The following SSBP3 variants were observed in gnomAD, a reference collection of about 807,000 sequenced individuals.
SSBP3 encodes the protein single-stranded DNA-binding protein 3.
A neutral mutation model predicts 69.6 loss-of-function variants in SSBP3; 5 were observed. The observed-to-expected ratio is 0.07, with a 90% CI of 0.04 to 0.15. The LOEUF (loss-of-function observed/expected upper bound fraction) is 0.15, where lower values mean the gene tolerates loss of function less well. Ranked by LOEUF, SSBP3 falls within the 10% of genes least tolerant of loss-of-function variation. The pLI, the probability that SSBP3 is intolerant of heterozygous loss-of-function variation, is 1.00. For missense variants in SSBP3, 312 were observed against 534.0 expected, an observed-to-expected ratio of 0.58 and a Z score of 4.10; for synonymous variants, 196 against 193.4, an observed-to-expected ratio of 1.01 and a Z score of -0.11.
At chr1:54,314,040 A>G (rs910995886) in intron 4 of SSBP3, among the ~76,000 whole-genome samples, 11 of 152,214 alleles carry the variant, frequency 7.2e-5, no homozygotes, top group African/African-American at 2.7e-4. Context: ...CTGGGATTAC[A>G]GGCATGAGCC....
intron 4 of SSBP3, among the ~76,000 whole-genome samples, chr1:54,369,164 G>A (rs999293383): frequency 4.7e-5 from 7 of 147,412 alleles, no homozygotes; most frequent in Non-Finnish European, 1.0e-4. Context: ...TCCAAACTGC[G>A]ACCGTTGATT....
At chr1:54,387,072 C>T (rs1204365979) in intron 4 of SSBP3, among the ~76,000 whole-genome samples, 1 of 152,168 alleles carries the variant, frequency 6.6e-6, no homozygotes, top group African/African-American at 2.4e-5. Context: ...CCGTTCCATC[C>T]GTCTGTCTTC....
At chr1:54,407,311 G>A (rs1649848601), upstream of SSBP3, among the ~76,000 whole-genome samples, 1 of 152,194 alleles carries the variant, frequency 6.6e-6, no homozygotes, top group Admixed American at 6.5e-5. Context: ...TGGGCGGCCC[G>A]CGACGCGGAA....
At chr1:54,272,041 T>C (rs1336392778) in intron 5 of SSBP3, among the ~76,000 whole-genome samples, 1 of 152,166 alleles carries the variant, frequency 6.6e-6, no homozygotes, top group Non-Finnish European at 1.5e-5. Context: ...AGTGCTGGGA[T>C]TATAGGCGTG....
At chr1:54,242,261 T>A (rs1291991521) in intron 10 of SSBP3, 49 bp from the exon 11 acceptor site, 1 of 1,608,340 alleles carries the variant, frequency 6.2e-7, no homozygotes, top group Non-Finnish European at 8.5e-7. Context: ...CGCTGTAAAC[T>A]CCAAGCGGTG....
intron 4 of SSBP3, among the ~76,000 whole-genome samples, chr1:54,335,262 G>A (rs1453195478): frequency 6.6e-6 from 1 of 152,210 alleles, no homozygotes; most frequent in African/African-American, 2.4e-5. Context: ...GGCCTCCGCT[G>A]CATTCCTCCT....
At chr1:54,357,442 G>C (rs1253792120) in intron 4 of SSBP3, among the ~76,000 whole-genome samples, 8 of 152,108 alleles carry the variant, frequency 5.3e-5, no homozygotes, top group Admixed American at 5.2e-4. Context: ...TGGGGGTAGG[G>C]TGTACCATAA....
intron 4 of SSBP3, among the ~76,000 whole-genome samples, chr1:54,381,947 A>C (rs1366449066): frequency 1.3e-5 from 2 of 152,212 alleles, no homozygotes; most frequent in Admixed American, 6.5e-5. Flanking sequence ...CAATCCAAGC[A>C]CTTTGGGAGG....
At chr1:54,367,544 T>C (rs952406764) in intron 4 of SSBP3, among the ~76,000 whole-genome samples, 1 of 152,046 alleles carries the variant, frequency 6.6e-6, no homozygotes, top group African/African-American at 2.4e-5. Flanking sequence ...GAAGAATGAG[T>C]GGAGAAAGGA....
chr1:54,330,793 A>G (rs375923894), intron 4 of SSBP3, among the ~76,000 whole-genome samples: 41 of 152,208 alleles, frequency 2.7e-4, no homozygotes, highest in African/African-American at 9.9e-4. Context: ...CGTCAAAACC[A>G]GGCAGCAAAG....
intron 4 of SSBP3, among the ~76,000 whole-genome samples, chr1:54,326,945 A>G (rs1470430487): frequency 6.6e-6 from 1 of 151,676 alleles, no homozygotes; most frequent in African/African-American, 2.4e-5. Context: ...GACCTAGGAA[A>G]CGGGGCCAAG....
intron 5 of SSBP3, among the ~76,000 whole-genome samples, chr1:54,269,165 C>T (rs150073552): frequency 1.3e-5 from 2 of 152,170 alleles, no homozygotes; most frequent in African/African-American, 4.8e-5. Context: ...CACGGAGCTA[C>T]CCCTCTTGCC....
chr1:54,383,642 G>A (rs1389486371), intron 4 of SSBP3, among the ~76,000 whole-genome samples: 1 of 152,026 alleles, frequency 6.6e-6, no homozygotes, highest in Non-Finnish European at 1.5e-5. Context: ...TGAATTACAG[G>A]GTGTTCAATA....
intron 4 of SSBP3, among the ~76,000 whole-genome samples, chr1:54,284,333 T>C (rs1365784075): frequency 1.3e-5 from 2 of 152,092 alleles, no homozygotes; most frequent in Non-Finnish European, 2.9e-5. Flanking sequence ...TCTTAGGTCA[T>C]TACCTTTTGA....
chr1:54,284,838 C>G (rs1569611631), intron 4 of SSBP3, among the ~76,000 whole-genome samples: 1 of 152,126 alleles, frequency 6.6e-6, no homozygotes, highest in East Asian at 1.9e-4. Flanking sequence ...GCTCTTCACT[C>G]TAAGATGTTT....
chr1:54,407,618 C>CT (rs1377520238), upstream of SSBP3, among the ~76,000 whole-genome samples: 3 of 152,074 alleles, frequency 2.0e-5, no homozygotes, highest in Admixed American at 2.0e-4. Context: ...GAGCGGATCT[C>CT]TTTAAATGTG....
At chr1:54,240,044 TGG>T (rs71867917) in intron 13 of SSBP3, among the ~76,000 whole-genome samples, 68,894 of 132,050 alleles carry the variant, frequency 0.52, 17,165 homozygotes, top group South Asian at 0.63. Flanking sequence ...ATAATTGTGA[TGG>T]GGTGTGTGTG....
At chr1:54,289,044 A>G (rs1346758442) in intron 4 of SSBP3, among the ~76,000 whole-genome samples, 1 of 51,272 alleles carries the variant, frequency 2.0e-5, no homozygotes, top group South Asian at 4.5e-4. Flanking sequence ...AAACAAAAAA[A>G]CAAAAAAAAA....
intron 4 of SSBP3, among the ~76,000 whole-genome samples, chr1:54,340,536 C>A: frequency 1.3e-5 from 2 of 152,312 alleles, no homozygotes; most frequent in East Asian, 3.9e-4. Context: ...AGCAAGTCCA[C>A]GCACAGCAAG....
Sources: gnomAD v4.1 joint callset for allele counts (sites outside exome capture counted in the v4.1 genomes callset) on GRCh38, gnomAD v4.1.1 for gene constraint, MANE v1.5 for transcripts, NCBI Gene and HGNC (gene_info 2026-07-23, HGNC 2026-07-21) for gene names.